N4BP2L1: variants seen among roughly 807,000 people sequenced by gnomAD.
N4BP2L1 encodes the protein NEDD4-binding protein 2-like 1.
N4BP2L1 carries 12 observed loss-of-function variants against 21.2 expected under a neutral mutation model. The observed-to-expected ratio is 0.57, with a 90% CI of 0.36 to 0.92. N4BP2L1 has a LOEUF of 0.92. Among genes scored for constraint, N4BP2L1 ranks in the 40% least tolerant of loss-of-function variants. The pLI, the probability that N4BP2L1 is intolerant of heterozygous loss-of-function variation, is 0.01. For missense variants in N4BP2L1, 259 were observed against 310.6 expected, an observed-to-expected ratio of 0.83 and a Z score of 1.25; for synonymous variants, 104 against 112.8, an observed-to-expected ratio of 0.92 and a Z score of 0.49.
intron 1 of N4BP2L1, among the ~76,000 whole-genome samples, chr13:32,413,537 C>T (rs2073972135): frequency 6.6e-6 from 1 of 152,108 alleles, no homozygotes; most frequent in African/African-American, 2.4e-5. Flanking sequence ...ATGCTAAGTT[C>T]GATCACTTGG....
chr13:32,419,614 C>T (rs1445530784), intron 1 of N4BP2L1, among the ~76,000 whole-genome samples: 1 of 151,894 alleles, frequency 6.6e-6, no homozygotes, highest in Non-Finnish European at 1.5e-5. Context: ...TTGCTCAGCA[C>T]TTCTCCTTCC....
At chr13:32,405,464 C>G (rs994993236) in intron 3 of N4BP2L1, among the ~76,000 whole-genome samples, 1 of 152,158 alleles carries the variant, frequency 6.6e-6, no homozygotes, top group South Asian at 2.1e-4. Flanking sequence ...GAGCTGAGAT[C>G]GTGCCACTGC....
chr13:32,424,631 C>T (rs2074664918), intron 1 of N4BP2L1, among the ~76,000 whole-genome samples: 1 of 152,212 alleles, frequency 6.6e-6, no homozygotes, highest in Non-Finnish European at 1.5e-5. Context: ...CTCCACCCTC[C>T]AATTATTTCT....
chr13:32,419,410 TA>T, intron 1 of N4BP2L1: 3 of 353,882 alleles, frequency 8.5e-6, no homozygotes, highest in Admixed American at 4.1e-5. Flanking sequence ...CATGCTTGGC[TA>T]ATTTTTTTTT....
At position 32,402,721 on chromosome 13, in the gene N4BP2L1, C is replaced by CTGTT; in HGVS notation, c.*217_*220dup. On this transcript the variant is annotated 3_prime_UTR_variant, in exon 5 of 5. Coordinates refer to ENST00000380130, the MANE Select transcript of N4BP2L1 (RefSeq NM_052818.3). ...CAAATTCTTACCCTAGAGAAAGAGACTGTTTACTCAAATCTGCAGAATTCC... is the reference window on the plus strand; with the variant it reads ...CAAATTCTTACCCTAGAGAAAGAGACTGTTTGTTTACTCAAATCTGCAGAATTCC... 2 of 1,323,500 alleles carry CTGTT rather than the reference C, an allele frequency of 1.5e-6. No individual in the cohort carries two copies. The highest frequency in any genetic ancestry group is 1.5e-5 in the African/African-American group (1 of 67,470). 82.0% of individuals were successfully genotyped at this position (1,323,500 alleles called of 1,614,324 possible).
At chr13:32,413,049 A>G (rs629769) in intron 1 of N4BP2L1, among the ~76,000 whole-genome samples, 124,328 of 151,958 alleles carry the variant, frequency 0.82, 50,956 homozygotes, top group African/African-American at 0.83. Flanking sequence ...TCAGCCTCCC[A>G]AGAAGCTGGG....
At chr13:32,413,866 T>C (rs1351366447) in intron 1 of N4BP2L1, among the ~76,000 whole-genome samples, 1 of 150,976 alleles carries the variant, frequency 6.6e-6, no homozygotes, top group Non-Finnish European at 1.5e-5. Flanking sequence ...TACACCAAGT[T>C]TGCACCAAGC....
intron 1 of N4BP2L1, among the ~76,000 whole-genome samples, chr13:32,421,936 T>C (rs1199118259): frequency 1.3e-5 from 2 of 152,140 alleles, no homozygotes; most frequent in African/African-American, 2.4e-5. Flanking sequence ...TTCATGAAAC[T>C]GCCATGAAGG....
intron 1 of N4BP2L1, 96 bp downstream of exon 1, chr13:32,427,808 A>C: frequency 2.5e-6 from 2 of 791,244 alleles, no homozygotes; most frequent in Non-Finnish European, 3.4e-6. Context: ...CGGGGGCGCA[A>C]GCGGCGCCCG....
At chr13:32,412,833 G>A (rs2073934414) in intron 1 of N4BP2L1, among the ~76,000 whole-genome samples, 1 of 152,120 alleles carries the variant, frequency 6.6e-6, no homozygotes, top group Non-Finnish European at 1.5e-5. Context: ...TCACTCCGCA[G>A]GGCCTGTCAT....
chr13:32,407,750 T>A lies in N4BP2L1; in HGVS notation c.202A>T (p.Arg68Trp). The change falls in exon 2 of 5, where the codon AGG becomes TGG. Residue 68 changes from arginine (R) to tryptophan (W), a missense_variant. Coordinates refer to ENST00000380130, the MANE Select transcript of N4BP2L1 (RefSeq NM_052818.3). Reference protein sequence around the residue: ...LARQLQHDFPRALIFSTDDFF... With the variant: ...LARQLQHDFPWALIFSTDDFF... ...TCATCCGTGCTGAAAATCAGGGCCC[T>A]GGGAAAGTCATGCTGCAATTGTCTG... 6.2e-7 allele frequency: 1 copy of A among 1,601,068 alleles called. No individual in the cohort carries two copies. Among genetic ancestry groups the A allele is most frequent in the East Asian group, 2.2e-5 (1 of 44,724 alleles).
intron 1 of N4BP2L1, chr13:32,411,863 C>G (rs1489612845): frequency 1.2e-6 from 1 of 817,382 alleles, no homozygotes; most frequent in Non-Finnish European, 1.5e-6. Context: ...GTAATTTTAA[C>G]TTGACGCCCA....
chr13:32,404,447 G>A, intron 3 of N4BP2L1, 50 bp from the exon 4 acceptor site: 2 of 1,353,904 alleles, frequency 1.5e-6, no homozygotes, highest in South Asian at 1.2e-5. Flanking sequence ...ATGTATGTTT[G>A]GGAATGTTTA....
chr13:32,413,068 C>T (rs1229623795), intron 1 of N4BP2L1, among the ~76,000 whole-genome samples: 3 of 151,932 alleles, frequency 2.0e-5, no homozygotes, highest in Non-Finnish European at 4.4e-5. Flanking sequence ...GGATTATAGG[C>T]GCCCACCACC....
intron 1 of N4BP2L1, among the ~76,000 whole-genome samples, chr13:32,416,942 G>A (rs1302694177): frequency 2.6e-5 from 4 of 151,806 alleles, no homozygotes; most frequent in Non-Finnish European, 5.9e-5. Context: ...TCAGCCTCCC[G>A]AGTAGCTGGG....
At position 32,402,951 on chromosome 13, in the gene N4BP2L1, A is replaced by G; in HGVS notation, c.723T>C (p.His241=). The G allele has an allele frequency of 1.2e-6, 2 of 1,601,210 alleles. No homozygotes were observed. The highest frequency in any genetic ancestry group is 2.2e-5 in the South Asian group (2 of 89,840). The change falls in exon 5 of 5, where the codon CAT becomes CAC. Residue 241 remains histidine (H), a synonymous_variant. Transcript: ENST00000380130. ...SSYHRRGGCH[H]GY ...GCTGTAAGATAGGCCTCTAATATCCATGGTGACAACCGCCCCTTCTGTGAT... is the reference window on the plus strand; with the variant it reads ...GCTGTAAGATAGGCCTCTAATATCCGTGGTGACAACCGCCCCTTCTGTGAT...
Position 32,402,630 on chromosome 13 carries a change from A to C in N4BP2L1, c.*312T>G, listed in dbSNP as rs2073210688. 2 of 1,079,050 alleles carry C rather than the reference A, an allele frequency of 1.9e-6. No individual in the cohort carries two copies. The highest frequency in any genetic ancestry group is 9.3e-5 in the Admixed American group (2 of 21,542). The allele number at this position is 1,079,050 out of a possible 1,614,324, so 66.8% of individuals were successfully genotyped here. A position where few individuals can be genotyped will look rare whatever the true frequency, so the allele number is the denominator to read the frequency against. The stretch of plus-strand genomic sequence containing the variant: ...TGGTACTGAAGCTTATATATAATAT[A>C]AACACTTTATTTCATCTATGAACCT... On this transcript the variant is annotated 3_prime_UTR_variant, in exon 5 of 5. Coordinates refer to ENST00000380130, the MANE Select transcript of N4BP2L1 (RefSeq NM_052818.3).
rs2073175225 is a variant in N4BP2L1 at position 32,402,331 on chromosome 13, C to T, written c.*611G>A. On this transcript the variant is annotated 3_prime_UTR_variant, in exon 5 of 5. Coordinates refer to ENST00000380130, the MANE Select transcript of N4BP2L1 (RefSeq NM_052818.3). Reference sequence around the variant, plus strand: ...ATTAAGGATTTGACAGCATTTTTAACAATGATACATCATTAAAATAAAGAA... The same window carrying T: ...ATTAAGGATTTGACAGCATTTTTAATAATGATACATCATTAAAATAAAGAA... 48 of 568,758 alleles carry T rather than the reference C, an allele frequency of 8.4e-5. No homozygotes were observed. Among genetic ancestry groups the T allele is most frequent in the Non-Finnish European group, 1.0e-4 (46 of 449,804 alleles). The allele number at this position is 568,758 out of a possible 1,614,324, so 35.2% of individuals were successfully genotyped here. A position where few individuals can be genotyped will look rare whatever the true frequency, so the allele number is the denominator to read the frequency against.
Position 32,401,194 on chromosome 13 carries a change from TTCTCCCC to T in N4BP2L1, c.*1741_*1747del, listed in dbSNP as rs1474700413. On this transcript the variant is annotated 3_prime_UTR_variant, in exon 5 of 5. Coordinates refer to ENST00000380130, the MANE Select transcript of N4BP2L1 (RefSeq NM_052818.3). ...ATTTCCACTTTGAGCTCTCTGACAT[TTCTCCCC>T]TCTACCAGCCCAGACGAGTCAAGCC... is the stretch of plus-strand genomic sequence containing the variant. 6.6e-6 allele frequency: 1 copy of T among 152,164 alleles called. No homozygotes were observed. The highest frequency in any genetic ancestry group is 6.6e-5 in the Admixed American group (1 of 15,262). The allele number at this position is 152,164 out of a possible 1,614,324, so 9.4% of individuals were successfully genotyped here.
Sources: allele counts gnomAD v4.1 joint callset (sites outside exome capture counted in the v4.1 genomes callset), GRCh38; gene constraint gnomAD v4.1.1; transcripts MANE v1.5; gene names NCBI Gene and HGNC (gene_info 2026-07-23, HGNC 2026-07-21).